Variants in ADGRA2 observed in about 807,000 individuals in gnomAD.
The protein encoded by ADGRA2 is G-protein coupled receptor 124.
Under a neutral mutation model 98.7 loss-of-function variants are expected in ADGRA2, and 61 were observed. That is an observed-to-expected ratio of 0.62 (90% CI 0.50 to 0.76). The LOEUF (loss-of-function observed/expected upper bound fraction) is 0.76. ADGRA2 is among the 30% of genes least tolerant of loss of function. The pLI, the probability that ADGRA2 is intolerant of heterozygous loss-of-function variation, is 0.00. For missense variants in ADGRA2, 1,712 were observed against 1,860.0 expected (o/e 0.92, Z 1.46); for synonymous variants, 858 against 831.5 (o/e 1.03, Z -0.55).
intron 2 of ADGRA2, among the ~76,000 whole-genome samples, chr8:37,825,559 A>C (rs1805254812): frequency 6.6e-6 from 1 of 151,824 alleles, no homozygotes; most frequent in East Asian, 1.9e-4. Context: ...GGGGCTTCTT[A>C]ACTTGGGCTC....
In ADGRA2 at chr8:37,829,838, G is replaced by A. The variant is rs547932047; in HGVS notation, c.555-13G>A. ...CTCTGCTCTGCTCCGTGACCCCTCT[G>A]CCCACCCTGCAGGGACTTGGGCACC... On this transcript the variant is annotated splice_polypyrimidine_tract_variant and intron_variant, in intron 5 of 18. Transcript: ENST00000412232. 2 of 1,605,326 alleles carry A rather than the reference G, an allele frequency of 1.2e-6. No individual in the cohort carries two copies. Among genetic ancestry groups the A allele is most frequent in the African/African-American group, 1.3e-5 (1 of 74,922 alleles).
intron 1 of ADGRA2, among the ~76,000 whole-genome samples, chr8:37,803,630 G>C (rs182514615): frequency 2.0e-5 from 3 of 152,228 alleles, no homozygotes; most frequent in African/African-American, 7.2e-5. Context: ...TTTGCTTTCA[G>C]GACTGGGTTA....
Position 37,841,676 on chromosome 8 carries a change from G to GGGAA in ADGRA2, c.3338_3339insGGAA (p.Pro1114GlufsTer153). ...GACGGTTCCCCGGTGTTCGGGGAGG[G>GGGAA]CCCCCCCTCCCTCAAGTCCTCCCCA... is the stretch of plus-strand genomic sequence containing the variant. On this transcript the variant is annotated frameshift_variant, in exon 19 of 19. Transcript: ENST00000412232. LOFTEE classifies it low-confidence loss of function (END_TRUNC). The surrounding 1 kb of genome is among the most constrained non-coding windows in gnomAD (Gnocchi z 5.0). The GGGAA allele has an allele frequency of 2.6e-6, 4 of 1,530,638 alleles. No homozygotes were observed. Among genetic ancestry groups the GGGAA allele is most frequent in the Non-Finnish European group, 3.5e-6 (4 of 1,138,314 alleles). The allele number at this position is 1,530,638 out of a possible 1,614,324, so 94.8% of individuals were successfully genotyped here.
intron 14 of ADGRA2, 26 bp downstream of exon 14, chr8:37,837,965 CGG>C: frequency 1.6e-6 from 2 of 1,277,274 alleles, no homozygotes; most frequent in East Asian, 6.3e-5. Flanking sequence ...GGTGACAAGT[CGG>C]GGGGGCAGGG....
intron 2 of ADGRA2, among the ~76,000 whole-genome samples, chr8:37,821,393 G>A (rs1481257816): frequency 2.6e-5 from 4 of 152,142 alleles, no homozygotes; most frequent in East Asian, 1.9e-4. Flanking sequence ...TACCCTGGCC[G>A]CCTGTCATTT....
rs772301014 is a variant in ADGRA2 at position 37,840,203 on chromosome 8, C to T, written c.2594C>T (p.Thr865Ile). 3 of 1,612,660 alleles carry T rather than the reference C, an allele frequency of 1.9e-6. No individual in the cohort carries two copies. Among genetic ancestry groups the T allele is most frequent in the South Asian group, 2.2e-5 (2 of 91,092 alleles). Residue 865 changes from threonine (T) to isoleucine (I), a missense_variant, in exon 17 of 19, where the codon ACC becomes ATC. Coordinates refer to ENST00000412232, the MANE Select transcript of ADGRA2 (RefSeq NM_032777.10). ...VKARVLHKELTWRAPPPQEGD... is the reference protein window; with the variant it reads ...VKARVLHKELIWRAPPPQEGD... ...GCGCGAGTGCTCCATAAGGAGCTCACCTGGAGGGCACCCCCTCCGCAAGAA... is the reference window on the plus strand; with the variant it reads ...GCGCGAGTGCTCCATAAGGAGCTCATCTGGAGGGCACCCCCTCCGCAAGAA...
chr8:37,812,027 G>A (rs6999555), intron 1 of ADGRA2, among the ~76,000 whole-genome samples: 8,287 of 151,816 alleles, frequency 0.055, 469 homozygotes, highest in East Asian at 0.19. Context: ...ACTTGAACCC[G>A]AGAGGCGGAG....
rs1189163808 is a variant in ADGRA2, at chr8:37,829,497, T to G, written c.492T>G (p.Ser164=). The G allele has an allele frequency of 6.2e-7, 1 of 1,613,324 alleles. No homozygotes were observed. Among genetic ancestry groups the G allele is most frequent in the South Asian group, 1.1e-5 (1 of 91,064 alleles). ...CCCCTGTTCCCTGCAGAAACATATC[T>G]GGAAACATCTTCTCCAGTCTGCAAC... ...GLPRLLRLNI[S]GNIFSSLQPG... Residue 164 remains serine, a synonymous_variant, in exon 5 of 19, where the codon TCT becomes TCG. Transcript: ENST00000412232.
At chr8:37,817,700 C>G (rs1207423910) in intron 2 of ADGRA2, among the ~76,000 whole-genome samples, 2 of 150,754 alleles carry the variant, frequency 1.3e-5, no homozygotes, top group South Asian at 2.1e-4. Flanking sequence ...GAGTGAGACC[C>G]TGTCTCTCTA....
At chr8:37,840,385 G>C in intron 17 of ADGRA2, 119 bp downstream of exon 17, 4 of 1,105,278 alleles carry the variant, frequency 3.6e-6, no homozygotes, top group South Asian at 1.3e-5. Context: ...CTCCAAAGAC[G>C]GGGGAGGCTA....
At chr8:37,822,892 CT>C (rs1279274845) in intron 2 of ADGRA2, among the ~76,000 whole-genome samples, 409 of 139,272 alleles carry the variant, frequency 2.9e-3, no homozygotes, top group Admixed American at 4.2e-3. Context: ...GTGGATACTA[CT>C]TTTTTTTTTT....
At chr8:37,827,048 C>T (rs1805302985) in intron 2 of ADGRA2, among the ~76,000 whole-genome samples, 1 of 152,250 alleles carries the variant, frequency 6.6e-6, no homozygotes, top group Non-Finnish European at 1.5e-5. Flanking sequence ...CCACCCTTGC[C>T]TGCTGCCTCA....
At chr8:37,836,147 A>C (rs1805610449) in intron 13 of ADGRA2, among the ~76,000 whole-genome samples, 1 of 151,072 alleles carries the variant, frequency 6.6e-6, no homozygotes, top group African/African-American at 2.4e-5. Flanking sequence ...GCCTGCTAGA[A>C]ACAGCACTGT....
At position 37,835,600 on chromosome 8, in the gene ADGRA2, C is replaced by T. The variant is rs760530594; in HGVS notation, c.1880C>T (p.Ser627Leu). 3 of 1,613,886 alleles carry T rather than the reference C, an allele frequency of 1.9e-6. No homozygotes were observed. The East Asian group carries it at 6.7e-5, about 36-fold the overall frequency. ...ATCCAGCTGCCCCCGAGTCTATTCT[C>T]ATCCCTTCCGGCTGCCCTGGCTCCC... ...ASIQLPPSLF[S>L]SLPAALAPPV... Residue 627 changes from serine to leucine, a missense_variant, in exon 13 of 19, where the codon TCA (serine) becomes TTA (leucine). By Grantham distance (145) the Ser-to-Leu change is moderately radical. Coordinates refer to ENST00000412232, the MANE Select transcript of ADGRA2 (RefSeq NM_032777.10).
rs527817973 is a variant in ADGRA2 at position 37,817,708 on chromosome 8, C to CTAAA, written c.338+2764_338+2767dup. 2.4e-3 allele frequency among the ~76,000 whole-genome samples: 359 copies of CTAAA among 151,318 alleles called. 2 individuals are homozygous for CTAAA. The highest frequency in any genetic ancestry group is 5.7e-3 in the African/African-American group (235 of 41,214). On this transcript the variant is annotated intron_variant, in intron 2 of 18. Transcript: ENST00000412232. Reference sequence around the variant, plus strand: ...GGCAAAAGAGTGAGACCCTGTCTCTCTAAATAAATAAATAAATAAATAAAT... The same window carrying CTAAA: ...GGCAAAAGAGTGAGACCCTGTCTCTCTAAATAAATAAATAAATAAATAAATAAAT...
At chr8:37,816,875 C>T (rs1232224409) in intron 2 of ADGRA2, among the ~76,000 whole-genome samples, 1 of 150,056 alleles carries the variant, frequency 6.7e-6, no homozygotes, top group Non-Finnish European at 1.5e-5. Flanking sequence ...GAGATTGCAC[C>T]ACTGCACTCC....
At chr8:37,836,247 G>T (rs1176482552) in intron 13 of ADGRA2, among the ~76,000 whole-genome samples, 50 of 152,136 alleles carry the variant, frequency 3.3e-4, no homozygotes, top group African/African-American at 1.2e-3. Context: ...AACCTCCCAG[G>T]GCAGCCACAG....
rs1805914328 is a variant in ADGRA2, at chr8:37,844,579, G to C, written c.*2224G>C. On this transcript the variant is annotated 3_prime_UTR_variant, in exon 19 of 19. Transcript: ENST00000412232. ...ACTTCCTGAGGGGTACGCAAATACT[G>C]TTCTATTTCACTATCAGAAATGTTC... 1.9e-6 allele frequency: 3 copies of C among 1,613,950 alleles called. No individual in the cohort carries two copies. The highest frequency in any genetic ancestry group is 2.7e-5 in the African/African-American group (2 of 74,894).
rs1454784657 is a variant in ADGRA2, at chr8:37,844,092, C to T, written c.*1737C>T. On this transcript the variant is annotated 3_prime_UTR_variant, in exon 19 of 19. Transcript: ENST00000412232. The stretch of plus-strand genomic sequence containing the variant: ...GGCCAGAATTCCCCAGTTCCCGCTC[C>T]TCTGAGGGTTGATACTGCTGGGAAT... 5 of 204,752 alleles carry T rather than the reference C, an allele frequency of 2.4e-5. No individual in the cohort carries two copies. The highest frequency in any genetic ancestry group is 5.0e-5 in the Non-Finnish European group (5 of 99,248). The allele number at this position is 204,752 out of a possible 1,614,324, so 12.7% of individuals were successfully genotyped here.
Sources: gnomAD v4.1 joint callset for allele counts (sites outside exome capture counted in the v4.1 genomes callset) on GRCh38, gnomAD v4.1.1 for gene constraint, Gnocchi (gnomAD v3.1) non-coding constraint, MANE v1.5 for transcripts, NCBI Gene and HGNC (gene_info 2026-07-23, HGNC 2026-07-21) for gene names.